Variants in SPTBN1 observed in about 807,000 individuals in gnomAD.
The protein encoded by SPTBN1 is spectrin beta, non-erythrocytic 1, also known as spectrin beta chain, non-erythrocytic 1.
SPTBN1 carries 32 observed loss-of-function variants against 266.4 expected under a neutral mutation model. That is an observed-to-expected ratio of 0.12 (90% CI 0.09 to 0.16). The LOEUF (loss-of-function observed/expected upper bound fraction) is 0.16. SPTBN1 is among the 10% of genes least tolerant of loss of function. The pLI is 1.00. For missense variants in SPTBN1, 2,296 were observed against 3,067.1 expected (o/e 0.75, Z 5.94); for synonymous variants, 1,336 against 1,162.2 (o/e 1.15, Z -3.04).
chr2:54,535,035 C>G (rs934896556), intron 2 of SPTBN1: 4 of 152,244 alleles, frequency 2.6e-5, no homozygotes, highest in African/African-American at 9.6e-5. Context: ...AAGTCACTCA[C>G]TTACTTTTGA....
chr2:54,621,356 CAG>C, intron 7 of SPTBN1, 42 bp from the exon 8 acceptor site: 1 of 1,483,844 alleles, frequency 6.7e-7, no homozygotes, highest in Non-Finnish European at 9.4e-7. Flanking sequence ...GGGTGGGGCA[CAG>C]TAGCATGCAA....
At chr2:54,508,410 G>T (rs1308952282) in intron 1 of SPTBN1, among the ~76,000 whole-genome samples, 4 of 152,160 alleles carry the variant, frequency 2.6e-5, no homozygotes, top group African/African-American at 9.7e-5. Flanking sequence ...GAAGGGAGGG[G>T]GCCTGAGAAA....
At chr2:54,519,628 T>A (rs1670312902) in intron 1 of SPTBN1, among the ~76,000 whole-genome samples, 1 of 152,204 alleles carries the variant, frequency 6.6e-6, no homozygotes, top group Admixed American at 6.5e-5. Context: ...AATCTCATTT[T>A]CTCTCCTAAG....
rs1463988972 is a variant in SPTBN1 at position 54,557,306 on chromosome 2, C to G, written c.148+30740C>G. Among the ~76,000 whole-genome samples the G allele has an allele frequency of 3.3e-5, 5 of 151,638 alleles. No individual in the cohort carries two copies. The East Asian group carries it at 9.7e-4, about 29-fold the overall frequency. ...TGGGATCCCTGAGGAATGAAATTAC[C>G]TTCTTCAGTGAGTATTGCTGTAGGG... On this transcript the variant is annotated intron_variant, in intron 2 of 35. Coordinates refer to ENST00000356805, the MANE Select transcript of SPTBN1 (RefSeq NM_003128.3).
intron 19 of SPTBN1, 84 bp from the exon 20 acceptor site, chr2:54,644,238 CA>C: frequency 6.6e-7 from 1 of 1,506,314 alleles, no homozygotes; most frequent in South Asian, 1.3e-5. Context: ...AATCACAGAT[CA>C]AATGTCCTAG....
chr2:54,608,677 T>TGTGCGTGTGTGTGCATGCGCGCACGA (rs1677011211), intron 3 of SPTBN1, among the ~76,000 whole-genome samples: 1 of 151,592 alleles, frequency 6.6e-6, no homozygotes, highest in Non-Finnish European at 1.5e-5. Context: ...ACCCATTTTG[T>TGTGCGTGTGTGTGCATGCGCGCACGA]GTGCGTGTGT....
intron 6 of SPTBN1, among the ~76,000 whole-genome samples, 175 bp downstream of exon 6, chr2:54,617,863 A>G (rs999351115): frequency 2.6e-5 from 4 of 152,218 alleles, no homozygotes; most frequent in African/African-American, 9.6e-5. Context: ...AAACAGAATA[A>G]ACAGGTTCTC....
At chr2:54,572,603 A>G (rs1038750791) in intron 2 of SPTBN1, among the ~76,000 whole-genome samples, 1 of 152,210 alleles carries the variant, frequency 6.6e-6, no homozygotes, top group Non-Finnish European at 1.5e-5. Flanking sequence ...TGGCCCATGA[A>G]CTACTTTCCC....
intron 2 of SPTBN1, among the ~76,000 whole-genome samples, chr2:54,541,552 C>G (rs1671941974): frequency 6.6e-6 from 1 of 152,126 alleles, no homozygotes; most frequent in African/African-American, 2.4e-5. Flanking sequence ...TCAGGCATGC[C>G]CACATGTGGA....
At position 54,467,773 on chromosome 2, in the gene SPTBN1, T is replaced by A. The variant is rs886419404; in HGVS notation, c.-48+11255T>A. On this transcript the variant is annotated intron_variant, in intron 1 of 35. Transcript: ENST00000356805. ...CCTTAGAATCCCTGATTTTTTTTTTTAAATTTCTGCTAATACACATAGTAT... is the reference window on the plus strand; with the variant it reads ...CCTTAGAATCCCTGATTTTTTTTTTAAAATTTCTGCTAATACACATAGTAT... 4.4e-4 allele frequency among the ~76,000 whole-genome samples: 67 copies of A among 152,244 alleles called. 1 individual carries two copies. The highest frequency in any genetic ancestry group is 1.2e-3 in the African/African-American group (51 of 41,538).
intron 1 of SPTBN1, among the ~76,000 whole-genome samples, chr2:54,457,853 C>T (rs879679671): frequency 9.9e-5 from 15 of 152,232 alleles, no homozygotes; most frequent in African/African-American, 3.6e-4. Context: ...TCCTGCACCT[C>T]TTCTTGGGCT....
In SPTBN1 at chr2:54,585,347, T is replaced by G. The variant is rs74437426; in HGVS notation, c.149-13745T>G. On this transcript the variant is annotated intron_variant, in intron 2 of 35. Coordinates refer to ENST00000356805, the MANE Select transcript of SPTBN1 (RefSeq NM_003128.3). Reference sequence around the variant, plus strand: ...CCTCTTCTGATGAGTGTGAGGGATCTTATGGTGCTACCCTGCCTGTTGGCT... The same window carrying G: ...CCTCTTCTGATGAGTGTGAGGGATCGTATGGTGCTACCCTGCCTGTTGGCT... Among the ~76,000 whole-genome samples the G allele has an allele frequency of 6.9e-3, 1,054 of 152,318 alleles. 13 individuals carry two copies. Among genetic ancestry groups the G allele is most frequent in the South Asian group, 0.063 (305 of 4,824 alleles).
chr2:54,618,262 G>A, intron 7 of SPTBN1, 69 bp downstream of exon 7: 1 of 1,328,938 alleles, frequency 7.5e-7, no homozygotes, highest in Non-Finnish European at 1.1e-6. Context: ...TGTAAAATCT[G>A]TTTTGTGTCA....
intron 7 of SPTBN1, among the ~76,000 whole-genome samples, chr2:54,620,184 G>C (rs1246968695): frequency 6.6e-6 from 1 of 152,198 alleles, no homozygotes; most frequent in African/African-American, 2.4e-5. Flanking sequence ...GGCTTGCCCG[G>C]ACAGGCTTCT....
In SPTBN1 at chr2:54,617,671, A is replaced by G. The variant is rs1677694373; in HGVS notation, c.630A>G (p.Ala210=). 1.2e-6 allele frequency: 2 copies of G among 1,614,162 alleles called. No homozygotes were observed. Among genetic ancestry groups the G allele is most frequent in the Non-Finnish European group, 1.7e-6 (2 of 1,180,000 alleles). Reference sequence around the variant, plus strand: ...GGAGGGACGGCATGGCCTTCAATGCACTGATACACAAACACCGGTAAGTCC... The same window carrying G: ...GGAGGGACGGCATGGCCTTCAATGCGCTGATACACAAACACCGGTAAGTCC... ...TSWRDGMAFN[A]LIHKHRPDLI... Residue 210 remains alanine (A), a synonymous_variant, in exon 6 of 36, where the codon GCA becomes GCG. Coordinates refer to ENST00000356805, the MANE Select transcript of SPTBN1 (RefSeq NM_003128.3).
intron 2 of SPTBN1, among the ~76,000 whole-genome samples, chr2:54,550,164 G>A (rs768946512): frequency 1.3e-5 from 2 of 152,222 alleles, no homozygotes; most frequent in Non-Finnish European, 2.9e-5. Flanking sequence ...AGGTCTCAGA[G>A]GTAGCTATAG....
At chr2:54,632,130 C>G (rs1043126386) in intron 16 of SPTBN1, among the ~76,000 whole-genome samples, 10 of 149,014 alleles carry the variant, frequency 6.7e-5, no homozygotes, top group African/African-American at 2.5e-4. Flanking sequence ...TTCTTGAGAC[C>G]AGTCTGTCTT....
At chr2:54,494,189 T>C (rs907666704) in intron 1 of SPTBN1, among the ~76,000 whole-genome samples, 5 of 152,236 alleles carry the variant, frequency 3.3e-5, no homozygotes, top group Non-Finnish European at 7.3e-5. Context: ...GTGAATATTT[T>C]AAAAATTACA....
intron 1 of SPTBN1, among the ~76,000 whole-genome samples, chr2:54,492,580 A>C (rs1285677043): frequency 6.6e-6 from 1 of 152,170 alleles, no homozygotes; most frequent in East Asian, 1.9e-4. Context: ...GATGCCTTCG[A>C]ACTTAGGCAA....
Sources: gnomAD v4.1 joint callset for allele counts (sites outside exome capture counted in the v4.1 genomes callset) on GRCh38, gnomAD v4.1.1 for gene constraint, MANE v1.5 for transcripts, NCBI Gene and HGNC (gene_info 2026-07-23, HGNC 2026-07-21) for gene names.